The following SEC14L1 variants were observed in gnomAD, a reference collection of about 807,000 sequenced individuals.
The protein encoded by SEC14L1 is SEC14 like lipid binding 1, also known as SEC14-like protein 1.
In SEC14L1, 48 loss-of-function variants were observed where a neutral mutation model predicts 85.3. That is an observed-to-expected ratio of 0.56 (90% CI 0.45 to 0.72). The LOEUF (loss-of-function observed/expected upper bound fraction) is 0.72. Among genes scored for constraint, SEC14L1 ranks in the 30% least tolerant of loss-of-function variants. The pLI is 0.00. For missense variants in SEC14L1, 682 were observed against 921.4 expected (o/e 0.74, Z 3.36); for synonymous variants, 391 against 355.5 (o/e 1.10, Z -1.12).
Position 77,189,729 on chromosome 17 carries a change from C to T in SEC14L1, c.64-1074C>T, listed in dbSNP as rs530912326. ...CTGCAAGCTCCGCTTTCTGGGTTCA[C>T]GCCATTCTCCTGCCTCAGCCTCCTG... is the stretch of plus-strand genomic sequence containing the variant. On this transcript the variant is annotated intron_variant, in intron 3 of 16. Coordinates refer to ENST00000436233, the MANE Select transcript of SEC14L1 (RefSeq NM_001143998.2). 3.9e-5 allele frequency among the ~76,000 whole-genome samples: 6 copies of T among 152,226 alleles called. No homozygotes were observed. The South Asian group carries it at 8.3e-4, about 21-fold the overall frequency.
chr17:77,195,919 T>A (rs1042202217), intron 7 of SEC14L1, among the ~76,000 whole-genome samples: 2 of 152,206 alleles, frequency 1.3e-5, no homozygotes, highest in African/African-American at 4.8e-5. Flanking sequence ...CATTAATATC[T>A]ATTATAGTCA....
In SEC14L1 at chr17:77,158,919, C is replaced by A. The variant is rs941577015; in HGVS notation, c.63+15260C>A. Among the ~76,000 whole-genome samples the A allele has an allele frequency of 7.0e-5, 10 of 142,536 alleles. No homozygotes were observed. The Admixed American group carries it at 7.5e-4, about 11-fold the overall frequency. The allele number at this position is 142,536 out of a possible 152,430, so 93.5% of individuals were successfully genotyped here. A position where few individuals can be genotyped will look rare whatever the true frequency, so the allele number is the denominator to read the frequency against. On this transcript the variant is annotated intron_variant, in intron 3 of 16. Transcript: ENST00000436233. ...CTCCACCTCTGGGGCTCAAGCAATT[C>A]TCGTGCCTCCCAAGTAGCTGGGATT... is the stretch of plus-strand genomic sequence containing the variant.
Position 77,191,106 on chromosome 17 carries a change from C to T in SEC14L1, c.214-75C>T, listed in dbSNP as rs1975511424. On this transcript the variant is annotated intron_variant, in intron 4 of 16. Transcript: ENST00000436233. ...CCTGGAGGGCAGCCCCCAGAGACAA[C>T]ATGAACTTATACTATAGCTTCTGTG... is the stretch of plus-strand genomic sequence containing the variant. 6.5e-6 allele frequency: 10 copies of T among 1,545,298 alleles called. No individual in the cohort carries two copies. The South Asian group carries it at 1.1e-4, about 18-fold the overall frequency.
Position 77,214,044 on chromosome 17 carries a change from G to A in SEC14L1, c.*21G>A, listed in dbSNP as rs763527410. Reference sequence around the variant, plus strand: ...GGTAGTGCCGCGCTGCCTGCACCTAGTGTGCAGAGGGGACGGCCGCCCCTC... The same window carrying A: ...GGTAGTGCCGCGCTGCCTGCACCTAATGTGCAGAGGGGACGGCCGCCCCTC... On this transcript the variant is annotated 3_prime_UTR_variant, in exon 17 of 17. Coordinates refer to ENST00000436233, the MANE Select transcript of SEC14L1 (RefSeq NM_001143998.2). The A allele has an allele frequency of 1.2e-6, 2 of 1,604,888 alleles. No individual in the cohort carries two copies. Among genetic ancestry groups the A allele is most frequent in the South Asian group, 1.1e-5 (1 of 90,334 alleles).
rs895392090 is a variant in SEC14L1 at position 77,106,262 on chromosome 17, G to A, written c.-136+12915G>A. On this transcript the variant is annotated intron_variant, in intron 3 of 19. Transcript: ENST00000392476. ...TTCAAAATTATAGGAGGCCAGGTGT[G>A]GTGGCTCACACCTGTAATCCCAGCA... Among the ~76,000 whole-genome samples, 3 of 152,212 alleles carry A rather than the reference G, an allele frequency of 2.0e-5. No homozygotes were observed. In the South Asian group the frequency reaches 6.2e-4, roughly 32 times the overall value.
At chr17:77,117,061 T>C (rs1972185133) in intron 3 of SEC14L1, among the ~76,000 whole-genome samples, 3 of 152,180 alleles carry the variant, frequency 2.0e-5, no homozygotes, top group Admixed American at 1.3e-4. Flanking sequence ...GTAAATGCAA[T>C]GGAAGGCCGG....
intron 3 of SEC14L1, among the ~76,000 whole-genome samples, chr17:77,169,323 G>A (rs774662481): frequency 5.3e-5 from 8 of 152,126 alleles, no homozygotes; most frequent in Non-Finnish European, 1.0e-4. Flanking sequence ...GATGGCCCTC[G>A]GGGGCTGACC....
At chr17:77,196,123 A>T in intron 7 of SEC14L1, 79 bp from the exon 8 acceptor site, 1 of 1,101,966 alleles carries the variant, frequency 9.1e-7, no homozygotes, top group Non-Finnish European at 1.4e-6. Flanking sequence ...ACCACACGTT[A>T]ACTCCACTGA....
chr17:77,209,616 C>T (rs963925161), intron 14 of SEC14L1, 140 bp downstream of exon 14: 17 of 839,686 alleles, frequency 2.0e-5, no homozygotes, highest in African/African-American at 1.0e-4. Context: ...TGTTGACACT[C>T]GATATTTAGT....
chr17:77,152,837 T>C (rs1973625284), intron 3 of SEC14L1, among the ~76,000 whole-genome samples: 1 of 152,162 alleles, frequency 6.6e-6, no homozygotes, highest in Non-Finnish European at 1.5e-5. Flanking sequence ...ATAAAGCCAT[T>C]TGTATTTGGT....
rs548674137 is a variant in SEC14L1 at position 77,151,287 on chromosome 17, T to C, written c.63+7628T>C. Reference sequence around the variant, plus strand: ...CTCGTTTGTAAAGTTGTGAATGCCATCGCGTGAGTCCTATTGCATTTCATC... The same window carrying C: ...CTCGTTTGTAAAGTTGTGAATGCCACCGCGTGAGTCCTATTGCATTTCATC... On this transcript the variant is annotated intron_variant, in intron 3 of 16. Coordinates refer to ENST00000436233, the MANE Select transcript of SEC14L1 (RefSeq NM_001143998.2). Among the ~76,000 whole-genome samples, 4 of 152,258 alleles carry C rather than the reference T, an allele frequency of 2.6e-5. No homozygotes were observed. In the East Asian group the frequency reaches 7.7e-4, roughly 29 times the overall value.
At chr17:77,163,796 G>A (rs976201286) in intron 3 of SEC14L1, among the ~76,000 whole-genome samples, 2 of 152,078 alleles carry the variant, frequency 1.3e-5, no homozygotes, top group Non-Finnish European at 2.9e-5. Context: ...CGCACATACC[G>A]AAGAGCACCT....
At chr17:77,188,333 C>A (rs1310330504) in intron 3 of SEC14L1, among the ~76,000 whole-genome samples, 1 of 151,916 alleles carries the variant, frequency 6.6e-6, no homozygotes, top group Non-Finnish European at 1.5e-5. Context: ...GGCAACCACT[C>A]TTCTGTTTTC....
intron 3 of SEC14L1, among the ~76,000 whole-genome samples, chr17:77,180,593 T>C (rs2143738515): frequency 6.6e-6 from 1 of 152,292 alleles, no homozygotes; most frequent in East Asian, 1.9e-4. Context: ...TGTGACTTGA[T>C]GCGTTTATCT....
At chr17:77,146,306 G>A (rs1005155092) in intron 3 of SEC14L1, among the ~76,000 whole-genome samples, 1 of 152,226 alleles carries the variant, frequency 6.6e-6, no homozygotes, top group African/African-American at 2.4e-5. Flanking sequence ...AAACACTTGA[G>A]TGTGGCTTAA....
chr17:77,175,317 G>A (rs1425707648), intron 3 of SEC14L1, among the ~76,000 whole-genome samples: 3 of 152,186 alleles, frequency 2.0e-5, no homozygotes, highest in African/African-American at 7.2e-5. Context: ...CCCAAAGGTT[G>A]GGCTCAGAAC....
At chr17:77,183,348 C>G (rs1975126278) in intron 3 of SEC14L1, among the ~76,000 whole-genome samples, 1 of 152,272 alleles carries the variant, frequency 6.6e-6, no homozygotes, top group African/African-American at 2.4e-5. Context: ...CTGTCTCTTT[C>G]ACAAACACAT....
intron 3 of SEC14L1, among the ~76,000 whole-genome samples, chr17:77,124,797 A>G (rs1972393723): frequency 6.6e-6 from 1 of 152,144 alleles, no homozygotes; most frequent in Non-Finnish European, 1.5e-5. Flanking sequence ...TGGCTGCAGG[A>G]GAAATCACTG....
At chr17:77,114,927 G>A (rs1972137770) in intron 3 of SEC14L1, among the ~76,000 whole-genome samples, 1 of 151,008 alleles carries the variant, frequency 6.6e-6, no homozygotes, top group Non-Finnish European at 1.5e-5. Context: ...CCCAGCTATA[G>A]CAGGAACACA....
Sources: gnomAD v4.1 joint callset for allele counts (sites outside exome capture counted in the v4.1 genomes callset) on GRCh38, gnomAD v4.1.1 for gene constraint, MANE v1.5 for transcripts, NCBI Gene and HGNC (gene_info 2026-07-23, HGNC 2026-07-21) for gene names.